KAT2B: variants seen among roughly 807,000 people sequenced by gnomAD.
KAT2B encodes lysine acetyltransferase 2B.
KAT2B carries 36 observed loss-of-function variants against 105.9 expected under a neutral mutation model. The ratio of observed to expected loss-of-function variants is 0.34; its 90% CI spans 0.26 to 0.45. The LOEUF is 0.45. Ranked by LOEUF, KAT2B falls within the 20% of genes least tolerant of loss-of-function variation. The pLI, the probability that KAT2B is intolerant of heterozygous loss-of-function variation, is 1.00. For missense variants in KAT2B, 820 were observed against 1,021.6 expected (o/e 0.80, Z 2.69); for synonymous variants, 397 against 377.9 (o/e 1.05, Z -0.59).
chr3:20,054,903 C>G (rs1357792860), intron 1 of KAT2B, among the ~76,000 whole-genome samples: 1 of 152,208 alleles, frequency 6.6e-6, no homozygotes, highest in Non-Finnish European at 1.5e-5. Flanking sequence ...GGCCACTTCT[C>G]TGCTACATGT....
chr3:20,131,919 A>G (rs925799549), intron 11 of KAT2B, among the ~76,000 whole-genome samples: 2 of 152,242 alleles, frequency 1.3e-5, no homozygotes, highest in African/African-American at 4.8e-5. Flanking sequence ...GCTAAATGGC[A>G]CTTTAAAATC....
chr3:20,060,339 C>T lies in KAT2B; in HGVS notation c.304-11994C>T, dbSNP rs138281729. 4.1e-3 allele frequency among the ~76,000 whole-genome samples: 617 copies of T among 151,876 alleles called. 4 individuals carry two copies. Among genetic ancestry groups the T allele is most frequent in the African/African-American group, 0.013 (542 of 41,422 alleles). On this transcript the variant is annotated intron_variant, in intron 1 of 17. Coordinates refer to ENST00000263754, the MANE Select transcript of KAT2B (RefSeq NM_003884.5). ...ACTGTGGGCTGGGCATGGTGGCTCA[C>T]GCCTGTAGTCCCAGTACTTTGGGAG...
chr3:20,085,725 G>A (rs890912700), intron 2 of KAT2B, among the ~76,000 whole-genome samples: 13 of 151,914 alleles, frequency 8.6e-5, no homozygotes, highest in Admixed American at 1.3e-4. Flanking sequence ...TAGCCAGGCT[G>A]GCCTCTAACT....
intron 2 of KAT2B, among the ~76,000 whole-genome samples, chr3:20,084,095 G>A (rs1698571661): frequency 6.6e-6 from 1 of 152,176 alleles, no homozygotes; most frequent in South Asian, 2.1e-4. Context: ...GGCCTCCTTG[G>A]AGAGGGGCTA....
intron 10 of KAT2B, 85 bp downstream of exon 10, chr3:20,126,198 C>T (rs1699400964): frequency 2.6e-6 from 3 of 1,140,598 alleles, no homozygotes; most frequent in African/African-American, 1.5e-5. Context: ...CAGCCATAGT[C>T]ATCCACCGAA....
chr3:20,093,720 A>G (rs1291838952), intron 2 of KAT2B, among the ~76,000 whole-genome samples: 4 of 152,368 alleles, frequency 2.6e-5, no homozygotes, highest in African/African-American at 9.6e-5. Flanking sequence ...TTCTTTAAAA[A>G]TCATTTCAAG....
chr3:20,123,075 T>G (rs148858343), intron 9 of KAT2B: 18 of 454,976 alleles, frequency 4.0e-5, no homozygotes, highest in African/African-American at 1.7e-4. Context: ...TTTCAAGCCC[T>G]CATAAATGTT....
At chr3:20,117,417 T>G (rs1388491825) in intron 7 of KAT2B, among the ~76,000 whole-genome samples, 1 of 152,190 alleles carries the variant, frequency 6.6e-6, no homozygotes, top group Non-Finnish European at 1.5e-5. Flanking sequence ...TAAATGACAT[T>G]CATAAGGATG....
At chr3:20,123,332 C>A (rs995415909) in intron 9 of KAT2B, among the ~76,000 whole-genome samples, 14 of 152,142 alleles carry the variant, frequency 9.2e-5, no homozygotes, top group Middle Eastern at 6.3e-3. Context: ...AACCACAATG[C>A]AGTCATTACT....
chr3:20,072,392 C>T lies in KAT2B; in HGVS notation c.363C>T (p.Pro121=), dbSNP rs555906565. 5.6e-6 allele frequency: 9 copies of T among 1,613,416 alleles called. No homozygotes were observed. The highest frequency in any genetic ancestry group is 1.6e-4 in the Middle Eastern group (1 of 6,062). Residue 121 remains proline (P), a synonymous_variant, in exon 2 of 18, where the codon CCC becomes CCT. Coordinates refer to ENST00000263754, the MANE Select transcript of KAT2B (RefSeq NM_003884.5). Reference sequence around the variant, plus strand: ...ACCCTAACCCCTCACCCACTCCCCCCAGAGCCGACCTGCAGCAAATAATTG... The same window carrying T: ...ACCCTAACCCCTCACCCACTCCCCCTAGAGCCGACCTGCAGCAAATAATTG... ...WKNPNPSPTP[P]RADLQQIIVS...
intron 6 of KAT2B, among the ~76,000 whole-genome samples, chr3:20,114,104 C>A (rs900201542): frequency 2.6e-5 from 4 of 151,562 alleles, no homozygotes; most frequent in Non-Finnish European, 5.9e-5. Context: ...ATTTTTTATT[C>A]TTTTTAAATC....
intron 11 of KAT2B, among the ~76,000 whole-genome samples, chr3:20,134,007 T>C (rs988466544): frequency 6.6e-6 from 1 of 152,140 alleles, no homozygotes; most frequent in African/African-American, 2.4e-5. Flanking sequence ...TAAATCTTTG[T>C]AATATATGTT....
intron 1 of KAT2B, 24 bp downstream of exon 1, chr3:20,040,804 C>T: frequency 1.3e-6 from 2 of 1,575,450 alleles, no homozygotes; most frequent in Middle Eastern, 1.8e-4. Flanking sequence ...GCTCTCGGAC[C>T]GCGGATGGGT....
chr3:20,145,209 A>C lies in KAT2B; in HGVS notation c.2005-1107A>C, dbSNP rs186583210. ...AGATATAATGGGTTAAATGAAATAC[A>C]TTATTAAAATCAATTTCACCTGTTT... On this transcript the variant is annotated intron_variant, in intron 13 of 17. Coordinates refer to ENST00000263754, the MANE Select transcript of KAT2B (RefSeq NM_003884.5). 8.5e-4 allele frequency among the ~76,000 whole-genome samples: 129 copies of C among 152,344 alleles called. 2 individuals carry two copies. The East Asian group carries it at 0.018, about 21-fold the overall frequency.
chr3:20,062,309 A>AAATATAATATAT (rs1559514587), intron 1 of KAT2B, among the ~76,000 whole-genome samples: 1 of 81,356 alleles, frequency 1.2e-5, no homozygotes, highest in Non-Finnish European at 2.2e-5. Context: ...ATAAAATATA[A>AAATATAATATAT]TATATATAAA....
chr3:20,140,646 A>G (rs551659856), intron 13 of KAT2B, among the ~76,000 whole-genome samples: 1 of 152,128 alleles, frequency 6.6e-6, no homozygotes, highest in South Asian at 2.1e-4. Flanking sequence ...GTGTGCTACC[A>G]TGCCCAGCCA....
In KAT2B at chr3:20,126,187, T is replaced by G. The variant is rs888796871; in HGVS notation, c.1622+74T>G. The G allele has an allele frequency of 1.9e-5, 24 of 1,243,454 alleles. 1 individual carries two copies. In the Admixed American group the frequency reaches 4.9e-4, roughly 25 times the overall value. The allele number at this position is 1,243,454 out of a possible 1,614,324, so 77.0% of individuals were successfully genotyped here. On this transcript the variant is annotated intron_variant, in intron 10 of 17. Coordinates refer to ENST00000263754, the MANE Select transcript of KAT2B (RefSeq NM_003884.5). ...AGAGGAACTGCTTAGATAGTGAAAG[T>G]CAGCCATAGTCATCCACCGAATACT...
intron 11 of KAT2B, 37 bp from the exon 12 acceptor site, chr3:20,136,905 G>C: frequency 9.7e-6 from 11 of 1,132,544 alleles, no homozygotes; most frequent in Non-Finnish European, 1.5e-5. Flanking sequence ...TTTCTCCCCA[G>C]TCTAATGTAT....
At chr3:20,094,933 A>G (rs1280923996) in intron 2 of KAT2B, among the ~76,000 whole-genome samples, 1 of 152,166 alleles carries the variant, frequency 6.6e-6, no homozygotes, top group Non-Finnish European at 1.5e-5. Context: ...ATTTGCTTAT[A>G]TGGAAACCTA....
Sources: gnomAD v4.1 joint callset for allele counts (sites outside exome capture counted in the v4.1 genomes callset) on GRCh38, gnomAD v4.1.1 for gene constraint, MANE v1.5 for transcripts, NCBI Gene and HGNC (gene_info 2026-07-23, HGNC 2026-07-21) for gene names.